PAG1: variants seen among roughly 807,000 people sequenced by gnomAD.
The protein encoded by PAG1 is phosphoprotein associated with glycosphingolipid-enriched microdomains 1.
In PAG1, 23 loss-of-function variants were observed where a neutral mutation model predicts 31.7. That is an observed-to-expected ratio of 0.73 (90% CI 0.52 to 1.03). The LOEUF (loss-of-function observed/expected upper bound fraction) is 1.03. Among genes scored for constraint, PAG1 ranks in the 50% least tolerant of loss-of-function variants. PAG1 has a pLI of 0.00. For missense variants in PAG1, 473 were observed against 540.7 expected (o/e 0.87, Z 1.24); for synonymous variants, 214 against 210.3 (o/e 1.02, Z -0.15).
rs147331056 is a variant in PAG1, at chr8:80,988,664, C to G, written c.178-1198G>C. On this transcript the variant is annotated intron_variant, in intron 5 of 8. Coordinates refer to ENST00000220597, the MANE Select transcript of PAG1 (RefSeq NM_018440.4). ...ATGGGATCTTGCTATGTTGCTCAGGCTGGTCTCGAACTCCTGGCCTCAAGC... is the reference window on the plus strand; with the variant it reads ...ATGGGATCTTGCTATGTTGCTCAGGGTGGTCTCGAACTCCTGGCCTCAAGC... Among the ~76,000 whole-genome samples the G allele has an allele frequency of 1.8e-3, 277 of 152,262 alleles. 2 individuals carry two copies. The highest frequency in any genetic ancestry group is 5.6e-3 in the African/African-American group (234 of 41,542).
Position 80,985,080 on chromosome 8 carries a change from G to A in PAG1, c.572C>T (p.Ala191Val). The stretch of plus-strand genomic sequence containing the variant: ...GCCTTTCTCCAGGTGTGCAGCTGCA[G>A]CCACCTCCTTGATCTCTTTCACAGT... Reference protein sequence around the residue: ...YETVKEIKEVAAAAHLEKGHS... With the variant: ...YETVKEIKEVVAAAHLEKGHS... Residue 191 changes from alanine (A) to valine (V), a missense_variant, in exon 7 of 9, where the codon GCT becomes GTT. Coordinates refer to ENST00000220597, the MANE Select transcript of PAG1 (RefSeq NM_018440.4). 1 of 1,614,098 alleles carries A rather than the reference G, an allele frequency of 6.2e-7. No individual in the cohort carries two copies. The highest frequency in any genetic ancestry group is 2.2e-5 in the East Asian group (1 of 44,884).
At position 80,991,520 on chromosome 8, in the gene PAG1, GCTT is replaced by G; in HGVS notation, c.133_135del (p.Lys45del). ...TCATGGTCCCCACTATGCTGTCGCG[GCTT>G]CTTTTCCCTGAAATGAAAAGTGAAA... On this transcript the variant is annotated inframe_deletion, in exon 5 of 9. Coordinates refer to ENST00000220597, the MANE Select transcript of PAG1 (RefSeq NM_018440.4). 2 of 1,613,174 alleles carry G rather than the reference GCTT, an allele frequency of 1.2e-6. No homozygotes were observed. The highest frequency in any genetic ancestry group is 2.2e-5 in the East Asian group (1 of 44,878).
intron 1 of PAG1, among the ~76,000 whole-genome samples, chr8:81,085,207 A>G (rs1371502628): frequency 6.6e-6 from 1 of 152,210 alleles, no homozygotes; most frequent in African/African-American, 2.4e-5. Context: ...TCATCACATT[A>G]TTGCTTCATA....
intron 3 of PAG1, among the ~76,000 whole-genome samples, chr8:81,001,103 G>T (rs1346230490): frequency 6.6e-6 from 1 of 152,208 alleles, no homozygotes; most frequent in Non-Finnish European, 1.5e-5. Context: ...CCTTGGGGCA[G>T]CTTTCCTGAT....
At chr8:81,110,458 G>T (rs1809756229) in intron 1 of PAG1, among the ~76,000 whole-genome samples, 1 of 152,088 alleles carries the variant, frequency 6.6e-6, no homozygotes, top group East Asian at 1.9e-4. Context: ...TGCTTAAAAG[G>T]AATCTCTCGG....
At chr8:81,044,741 T>C (rs1808611762) in intron 2 of PAG1, among the ~76,000 whole-genome samples, 2 of 152,152 alleles carry the variant, frequency 1.3e-5, no homozygotes, top group African/African-American at 4.8e-5. Context: ...GTAACCACCC[T>C]ACTGTCTTAT....
At chr8:81,063,505 C>T (rs540967472) in intron 2 of PAG1, among the ~76,000 whole-genome samples, 63 of 152,192 alleles carry the variant, frequency 4.1e-4, no homozygotes, top group African/African-American at 1.3e-3. Flanking sequence ...TTTCATAAGA[C>T]GGAGTGGGAG....
intron 1 of PAG1, among the ~76,000 whole-genome samples, chr8:81,094,854 A>G (rs1809500669): frequency 6.6e-6 from 1 of 152,180 alleles, no homozygotes; most frequent in African/African-American, 2.4e-5. Flanking sequence ...AGGACTCTCT[A>G]TGAAAAGAAG....
chr8:81,093,743 A>T (rs1809483951), intron 1 of PAG1, among the ~76,000 whole-genome samples: 1 of 152,114 alleles, frequency 6.6e-6, no homozygotes, highest in African/African-American at 2.4e-5. Context: ...CTGGACGATC[A>T]GCCACACGCA....
chr8:80,980,059 C>T (rs1234514044), intron 8 of PAG1, among the ~76,000 whole-genome samples: 1 of 152,172 alleles, frequency 6.6e-6, no homozygotes, highest in Non-Finnish European at 1.5e-5. Context: ...CTACACTCAC[C>T]TGTTCTAATT....
At chr8:81,033,486 T>C (rs1417234138) in intron 2 of PAG1, among the ~76,000 whole-genome samples, 2 of 152,234 alleles carry the variant, frequency 1.3e-5, no homozygotes, top group African/African-American at 4.8e-5. Context: ...ATCCCATACC[T>C]TCAATATTGA....
chr8:81,003,044 TG>T (rs1259469956), intron 3 of PAG1, among the ~76,000 whole-genome samples: 70 of 152,214 alleles, frequency 4.6e-4, no homozygotes, highest in Non-Finnish European at 7.4e-4. Flanking sequence ...TCCCCAAGGG[TG>T]GTCCCAGTTA....
At chr8:80,983,220 C>T (rs1807343643) in intron 7 of PAG1, among the ~76,000 whole-genome samples, 1 of 152,202 alleles carries the variant, frequency 6.6e-6, no homozygotes, top group Non-Finnish European at 1.5e-5. Context: ...TTCACGTGCT[C>T]TTTCCACAAA....
intron 3 of PAG1, among the ~76,000 whole-genome samples, chr8:81,000,897 T>C (rs1807773178): frequency 6.6e-6 from 1 of 152,202 alleles, no homozygotes; most frequent in Non-Finnish European, 1.5e-5. Flanking sequence ...AATCTCACCA[T>C]GTCCCCAAGC....
Position 81,110,987 on chromosome 8 carries a change from T to C in PAG1, c.-234+604A>G, listed in dbSNP as rs1281874972. ...TGAAATCCAAGTGTCATTATCTGAA[T>C]CCTATTTCTTGAGACTTGCCTACAT... is the stretch of plus-strand genomic sequence containing the variant. On this transcript the variant is annotated intron_variant, in intron 1 of 8. Coordinates refer to ENST00000220597, the MANE Select transcript of PAG1 (RefSeq NM_018440.4). Among the ~76,000 whole-genome samples the C allele has an allele frequency of 7.2e-5, 11 of 152,342 alleles. No homozygotes were observed. The South Asian group carries it at 2.1e-3, about 29-fold the overall frequency.
At chr8:80,995,493 C>T (rs1165055096) in intron 3 of PAG1, among the ~76,000 whole-genome samples, 1 of 152,174 alleles carries the variant, frequency 6.6e-6, no homozygotes, top group Non-Finnish European at 1.5e-5. Context: ...ATTGGCACCA[C>T]AATAGGTTTT....
intron 2 of PAG1, among the ~76,000 whole-genome samples, chr8:81,041,084 T>TA (rs1808546635): frequency 6.6e-6 from 1 of 152,052 alleles, no homozygotes; most frequent in Non-Finnish European, 1.5e-5. Flanking sequence ...TGGAGAAAAC[T>TA]AGTGTCACCC....
rs191348275 is a variant in PAG1 at position 81,035,445 on chromosome 8, T to C, written c.-174-5356A>G. Among the ~76,000 whole-genome samples, 9 of 152,158 alleles carry C rather than the reference T, an allele frequency of 5.9e-5. No individual in the cohort carries two copies. The East Asian group carries it at 1.7e-3, about 29-fold the overall frequency. ...CCTAGTGTTCACTGGGGCAATAACATCTCAACATGGGAGATTCAGCAAACA... is the reference window on the plus strand; with the variant it reads ...CCTAGTGTTCACTGGGGCAATAACACCTCAACATGGGAGATTCAGCAAACA... On this transcript the variant is annotated intron_variant, in intron 2 of 8. Transcript: ENST00000220597.
At chr8:81,022,803 G>A (rs1808213138) in intron 3 of PAG1, among the ~76,000 whole-genome samples, 1 of 152,110 alleles carries the variant, frequency 6.6e-6, no homozygotes, top group Admixed American at 6.5e-5. Flanking sequence ...GAAATTATAG[G>A]AGATTTTTCT....
Sources: allele counts gnomAD v4.1 joint callset (sites outside exome capture counted in the v4.1 genomes callset), GRCh38; gene constraint gnomAD v4.1.1; transcripts MANE v1.5; gene names NCBI Gene and HGNC (gene_info 2026-07-23, HGNC 2026-07-21).